TOPBP1: variants seen among roughly 807,000 people sequenced by gnomAD.
The protein encoded by TOPBP1 is DNA topoisomerase II binding protein 1, also known as DNA topoisomerase 2-binding protein 1.
Under a neutral mutation model 167.7 loss-of-function variants are expected in TOPBP1, and 28 were observed. The ratio of observed to expected loss-of-function variants is 0.17; its 90% CI spans 0.12 to 0.23. TOPBP1 has a LOEUF of 0.23. Among genes scored for constraint, TOPBP1 ranks in the 10% least tolerant of loss-of-function variants. The pLI is 1.00. For missense variants in TOPBP1, 1,554 were observed against 1,809.6 expected (o/e 0.86, Z 2.56); for synonymous variants, 598 against 611.4 (o/e 0.98, Z 0.32).
At chr3:133,648,891 A>G (rs970918096) in intron 10 of TOPBP1, among the ~76,000 whole-genome samples, 9 of 152,184 alleles carry the variant, frequency 5.9e-5, no homozygotes, top group African/African-American at 1.9e-4. Context: ...TACACATTAA[A>G]TTTACTTAAA....
At chr3:133,639,221 TCAA>T (rs1935802987) in intron 13 of TOPBP1, among the ~76,000 whole-genome samples, 1 of 152,166 alleles carries the variant, frequency 6.6e-6, no homozygotes, top group Non-Finnish European at 1.5e-5. Flanking sequence ...CAAATGTCTA[TCAA>T]TGATAGACTG....
chr3:133,649,692 T>G (rs775675375), intron 9 of TOPBP1, 59 bp from the exon 10 acceptor site: 61 of 1,595,090 alleles, frequency 3.8e-5, no homozygotes, highest in Non-Finnish European at 5.1e-5. Context: ...TCATCCCACT[T>G]GTCATGCAGT....
intron 12 of TOPBP1, among the ~76,000 whole-genome samples, chr3:133,640,767 G>C (rs1432507783): frequency 6.6e-6 from 1 of 151,960 alleles, no homozygotes; most frequent in African/African-American, 2.4e-5. Context: ...CCCAAAAGAA[G>C]GCACAGAAAA....
intron 20 of TOPBP1, 87 bp from the exon 21 acceptor site, chr3:133,618,520 C>T: frequency 7.8e-7 from 1 of 1,287,112 alleles, no homozygotes; most frequent in Admixed American, 1.9e-5. Flanking sequence ...AAAGTTGTGG[C>T]TCACCTTTAT....
intron 19 of TOPBP1, among the ~76,000 whole-genome samples, chr3:133,621,384 T>C (rs1344214876): frequency 6.6e-6 from 1 of 152,070 alleles, no homozygotes; most frequent in African/African-American, 2.4e-5. Context: ...TCTGCATGCA[T>C]GGATTCAACC....
intron 26 of TOPBP1, 42 bp downstream of exon 26, chr3:133,608,831 A>T (rs1934582876): frequency 6.3e-7 from 1 of 1,582,888 alleles, no homozygotes; most frequent in African/African-American, 1.4e-5. Context: ...TGGTTAGATG[A>T]TTATTCATGT....
chr3:133,606,177 G>C (rs1280353564), intron 27 of TOPBP1, among the ~76,000 whole-genome samples: 5 of 152,104 alleles, frequency 3.3e-5, no homozygotes, highest in Non-Finnish European at 5.9e-5. Flanking sequence ...AACAGAGTGA[G>C]ACCTTGCCTC....
chr3:133,640,398 C>T (rs758427518), intron 12 of TOPBP1, among the ~76,000 whole-genome samples: 4 of 152,118 alleles, frequency 2.6e-5, no homozygotes, highest in Non-Finnish European at 5.9e-5. Context: ...CATAATTAGA[C>T]ATGCAAAGAA....
In TOPBP1 at chr3:133,638,208, CA is replaced by C. The variant is rs1406942780; in HGVS notation, c.2234-47del. Reference sequence around the variant, plus strand: ...GAAACAAATATGAGCCACTAATGCCCACTTTTTCCCGGTACACAAGAAGTAA... The same window carrying C: ...GAAACAAATATGAGCCACTAATGCCCCTTTTTCCCGGTACACAAGAAGTAA... On this transcript the variant is annotated intron_variant, in intron 13 of 27. Coordinates refer to ENST00000260810, the MANE Select transcript of TOPBP1 (RefSeq NM_007027.4). 3.9e-6 allele frequency: 6 copies of C among 1,548,484 alleles called. No homozygotes were observed. In the African/African-American group the frequency reaches 8.2e-5, roughly 21 times the overall value.
chr3:133,647,487 C>G (rs371016072), intron 10 of TOPBP1, among the ~76,000 whole-genome samples: 27 of 152,172 alleles, frequency 1.8e-4, no homozygotes, highest in African/African-American at 6.5e-4. Context: ...TAAACAACAG[C>G]CAACAGAACA....
Position 133,649,480 on chromosome 3 carries a change from GTTC to G in TOPBP1, c.1404_1406del (p.Lys468del), listed in dbSNP as rs563625512. 81 of 1,613,902 alleles carry G rather than the reference GTTC, an allele frequency of 5.0e-5. No homozygotes were observed. Among genetic ancestry groups the G allele is most frequent in the African/African-American group, 3.3e-4 (25 of 75,048 alleles). ...CAAAGTCTTTCTTAGAGAAGCTGCT[GTTC>G]TTCTTTTTTAAAAGAGCTGCTTTAC... is the stretch of plus-strand genomic sequence containing the variant. On this transcript the variant is annotated inframe_deletion, in exon 10 of 28. Coordinates refer to ENST00000260810, the MANE Select transcript of TOPBP1 (RefSeq NM_007027.4).
chr3:133,642,049 G>T (rs1443022396), intron 12 of TOPBP1, among the ~76,000 whole-genome samples: 1 of 152,018 alleles, frequency 6.6e-6, no homozygotes. Context: ...GAGTATAGTT[G>T]TGTGATCATA....
At chr3:133,611,197 A>G (rs879520180) in intron 24 of TOPBP1, 56 bp from the exon 25 acceptor site, 55 of 1,555,794 alleles carry the variant, frequency 3.5e-5, no homozygotes, top group Non-Finnish European at 4.8e-5. Context: ...CCACTGTGCA[A>G]CATACAGGGC....
chr3:133,632,736 A>G (rs1559820062), intron 14 of TOPBP1, among the ~76,000 whole-genome samples: 2 of 151,940 alleles, frequency 1.3e-5, no homozygotes, highest in East Asian at 1.9e-4. Context: ...TGCATCATCA[A>G]TTGGCTCTCT....
chr3:133,619,212 AAAG>A (rs1935004607), intron 20 of TOPBP1, among the ~76,000 whole-genome samples: 2 of 152,062 alleles, frequency 1.3e-5, no homozygotes, highest in South Asian at 2.1e-4. Context: ...CTTCAAAAAT[AAAG>A]AATATAGCCT....
intron 27 of TOPBP1, among the ~76,000 whole-genome samples, chr3:133,603,542 A>C (rs1021113402): frequency 1.3e-5 from 2 of 152,236 alleles, no homozygotes; most frequent in African/African-American, 2.4e-5. Flanking sequence ...CATGACACAG[A>C]GTAAACAGGA....
intron 16 of TOPBP1, among the ~76,000 whole-genome samples, chr3:133,624,851 T>TG (rs1005715622): frequency 6.6e-6 from 1 of 152,232 alleles, no homozygotes; most frequent in Non-Finnish European, 1.5e-5. Context: ...CTAAGGGACA[T>TG]GGTTCAGTAC....
intron 16 of TOPBP1, among the ~76,000 whole-genome samples, chr3:133,625,092 G>A (rs1310183717): frequency 1.3e-5 from 2 of 152,136 alleles, no homozygotes; most frequent in Admixed American, 6.5e-5. Flanking sequence ...TCAGCCTCCT[G>A]AGCAGCTGGG....
intron 6 of TOPBP1, among the ~76,000 whole-genome samples, chr3:133,653,997 T>C (rs551731912): frequency 3.3e-5 from 5 of 152,334 alleles, no homozygotes; most frequent in Non-Finnish European, 5.9e-5. Context: ...TTAAACAGTA[T>C]GCTACACAGT....
Sources: allele counts gnomAD v4.1 joint callset (sites outside exome capture counted in the v4.1 genomes callset), GRCh38; gene constraint gnomAD v4.1.1; transcripts MANE v1.5; gene names NCBI Gene and HGNC (gene_info 2026-07-23, HGNC 2026-07-21).